MSMO1: variants seen among roughly 807,000 people sequenced by gnomAD.
MSMO1 encodes methylsterol monooxygenase 1.
MSMO1 carries 18 observed loss-of-function variants against 30.4 expected under a neutral mutation model. That is an observed-to-expected ratio of 0.59 (90% CI 0.41 to 0.88). MSMO1 has a LOEUF of 0.88. MSMO1 is among the 40% of genes least tolerant of loss of function. MSMO1 has a pLI of 0.00. For synonymous variants in MSMO1, 84 were observed against 107.9 expected (o/e 0.78, Z 1.37); for missense variants, 284 against 340.5 (o/e 0.83, Z 1.31).
At chr4:165,339,967 T>C (rs1747671982) in intron 4 of MSMO1, among the ~76,000 whole-genome samples, 1 of 152,164 alleles carries the variant, frequency 6.6e-6, no homozygotes, top group African/African-American at 2.4e-5. Context: ...CGAGAATCCT[T>C]CTTCAGGAAA....
At chr4:165,328,744 T>A (rs1329793595) in intron 1 of MSMO1, among the ~76,000 whole-genome samples, 1 of 152,220 alleles carries the variant, frequency 6.6e-6, no homozygotes, top group Non-Finnish European at 1.5e-5. Context: ...TTTAATTCCT[T>A]GTTCGGTTAG....
intron 1 of MSMO1, 78 bp from the exon 2 acceptor site, chr4:165,333,262 C>A: frequency 8.5e-7 from 1 of 1,179,110 alleles, no homozygotes; most frequent in Non-Finnish European, 1.2e-6. Context: ...TTAAAATGAT[C>A]AGAGGATGCA....
Position 165,342,122 on chromosome 4 carries a change from G to A in MSMO1, c.*176G>A, listed in dbSNP as rs1747732132. 3.5e-6 allele frequency: 2 copies of A among 579,692 alleles called. No homozygotes were observed. The highest frequency in any genetic ancestry group is 6.1e-6 in the Non-Finnish European group (2 of 328,906). The allele number at this position is 579,692 out of a possible 1,614,324, so 35.9% of individuals were successfully genotyped here. ...GGAACTTTTTCTACTTTACCTACAA[G>A]TTCTATATATGTAGAAATGAATAAA... is the stretch of plus-strand genomic sequence containing the variant. On this transcript the variant is annotated 3_prime_UTR_variant, in exon 6 of 6. Transcript: ENST00000261507.
rs1235509065 is a variant in MSMO1, at chr4:165,342,824, T to G, written c.*878T>G. The G allele has an allele frequency of 6.6e-6, 1 of 152,240 alleles. No individual in the cohort carries two copies. The highest frequency in any genetic ancestry group is 1.5e-5 in the Non-Finnish European group (1 of 68,038). 9.4% of individuals were successfully genotyped at this position (152,240 alleles called of 1,614,324 possible). A position where few individuals can be genotyped will look rare whatever the true frequency, so the allele number is the denominator to read the frequency against. On this transcript the variant is annotated 3_prime_UTR_variant, in exon 6 of 6. Transcript: ENST00000261507. ...GACCAGTTTGAGCTGATTCTCTCTT[T>G]GAAGAGTCCTTCTTGATTGCAGTGC...
At chr4:165,341,105 G>A (rs931822204) in intron 5 of MSMO1, among the ~76,000 whole-genome samples, 2 of 152,016 alleles carry the variant, frequency 1.3e-5, no homozygotes, top group African/African-American at 2.4e-5. Context: ...GGAAGAGAGG[G>A]TTAGAGTGAT....
chr4:165,338,576 C>G, intron 3 of MSMO1, 76 bp from the exon 4 acceptor site: 1 of 1,305,258 alleles, frequency 7.7e-7, no homozygotes, highest in Non-Finnish European at 1.1e-6. Flanking sequence ...ATGTCTCAAG[C>G]AGTGATCCCA....
intron 1 of MSMO1, chr4:165,328,110 C>T (rs561311210): frequency 6.6e-6 from 1 of 152,212 alleles, no homozygotes; most frequent in Non-Finnish European, 1.5e-5. Context: ...AAAGCAGGAA[C>T]CACTAGAAGG....
intron 1 of MSMO1, among the ~76,000 whole-genome samples, chr4:165,330,643 G>T (rs1456191132): frequency 6.6e-6 from 1 of 152,214 alleles, no homozygotes; most frequent in Non-Finnish European, 1.5e-5. Flanking sequence ...AGACATTTTG[G>T]TGCAGGTGGG....
intron 1 of MSMO1, among the ~76,000 whole-genome samples, chr4:165,333,073 AT>A (rs1747443518): frequency 6.6e-6 from 1 of 151,980 alleles, no homozygotes; most frequent in African/African-American, 2.4e-5. Context: ...GCTTGAAAAA[AT>A]TTTTCCCCTA....
intron 4 of MSMO1, among the ~76,000 whole-genome samples, chr4:165,339,399 C>T (rs932823693): frequency 2.0e-5 from 3 of 152,078 alleles, no homozygotes; most frequent in African/African-American, 4.8e-5. Context: ...CCACCATGCC[C>T]GGCCAATTAG....
chr4:165,338,317 T>TACACACAC (rs1747617413), intron 3 of MSMO1, among the ~76,000 whole-genome samples: 1 of 137,772 alleles, frequency 7.3e-6, no homozygotes, highest in Non-Finnish European at 1.7e-5. Context: ...TATATATATA[T>TACACACAC]ATATATATAT....
chr4:165,329,612 G>C (rs1326962204), intron 1 of MSMO1, among the ~76,000 whole-genome samples: 4 of 143,542 alleles, frequency 2.8e-5, no homozygotes, highest in Non-Finnish European at 6.0e-5. Context: ...TTGGCAGCTG[G>C]AGATCCATAG....
chr4:165,335,934 A>G (rs1747528505), intron 2 of MSMO1, among the ~76,000 whole-genome samples: 1 of 152,228 alleles, frequency 6.6e-6, no homozygotes, highest in Non-Finnish European at 1.5e-5. Flanking sequence ...AAACCAAAAT[A>G]TTGGTACAAA....
chr4:165,337,490 T>C (rs1747587681), intron 2 of MSMO1, among the ~76,000 whole-genome samples: 1 of 152,236 alleles, frequency 6.6e-6, no homozygotes, highest in Non-Finnish European at 1.5e-5. Context: ...CTGAAACTTC[T>C]GGTAAAAGAA....
chr4:165,341,463 A>G (rs1376976331), intron 5 of MSMO1, among the ~76,000 whole-genome samples: 1 of 152,176 alleles, frequency 6.6e-6, no homozygotes, highest in Non-Finnish European at 1.5e-5. Context: ...ATTCTTAAAA[A>G]TCTGTGTCTA....
chr4:165,335,598 G>A (rs1157342749), intron 2 of MSMO1, among the ~76,000 whole-genome samples: 1 of 152,188 alleles, frequency 6.6e-6, no homozygotes, highest in Non-Finnish European at 1.5e-5. Context: ...CCAGGCAAAA[G>A]CATCCTTTTT....
intron 2 of MSMO1, among the ~76,000 whole-genome samples, chr4:165,336,806 G>A (rs1279330849): frequency 1.3e-5 from 2 of 152,186 alleles, no homozygotes; most frequent in Admixed American, 6.5e-5. Flanking sequence ...TCTTAGTTCA[G>A]TGCTTTTCCT....
chr4:165,338,094 T>C (rs1490474108), intron 3 of MSMO1, among the ~76,000 whole-genome samples, 157 bp downstream of exon 3: 5 of 152,158 alleles, frequency 3.3e-5, no homozygotes, highest in Admixed American at 2.6e-4. Context: ...AATCTTAAAA[T>C]GTTTCCATTT....
intron 1 of MSMO1, chr4:165,328,000 G>A (rs1747285915): frequency 6.6e-6 from 1 of 152,380 alleles, no homozygotes; most frequent in African/African-American, 2.4e-5. Flanking sequence ...ATGGAACTAG[G>A]CTAGGGCATG....
Sources: gnomAD v4.1 joint callset for allele counts (sites outside exome capture counted in the v4.1 genomes callset) on GRCh38, gnomAD v4.1.1 for gene constraint, MANE v1.5 for transcripts, NCBI Gene and HGNC (gene_info 2026-07-23, HGNC 2026-07-21) for gene names.